NCAM2: variants seen among roughly 807,000 people sequenced by gnomAD.
The protein encoded by NCAM2 is N-CAM-2.
Under a neutral mutation model 98.1 loss-of-function variants are expected in NCAM2, and 30 were observed. The ratio of observed to expected loss-of-function variants is 0.31; its 90% CI spans 0.23 to 0.41. The LOEUF (loss-of-function observed/expected upper bound fraction) is 0.41, where lower values mean the gene tolerates loss of function less well. Among genes scored for constraint, NCAM2 ranks in the 10% least tolerant of loss-of-function variants. The probability of loss-of-function intolerance (pLI) is 1.00; values close to 1 mark genes in which losing one functional copy is unlikely to be tolerated. For missense variants in NCAM2, 867 were observed against 1,005.8 expected, an observed-to-expected ratio of 0.86 and a Z score of 1.87; for synonymous variants, 368 against 342.4, an observed-to-expected ratio of 1.07 and a Z score of -0.83.
intron 5 of NCAM2, among the ~76,000 whole-genome samples, chr21:21,319,636 A>G (rs1320181426): frequency 6.6e-6 from 1 of 152,174 alleles, no homozygotes; most frequent in Non-Finnish European, 1.5e-5. Flanking sequence ...GTGAGACTCC[A>G]TAAGAACAAA....
At chr21:21,070,645 A>G (rs1010046808) in intron 1 of NCAM2, among the ~76,000 whole-genome samples, 3 of 152,186 alleles carry the variant, frequency 2.0e-5, no homozygotes, top group Non-Finnish European at 4.4e-5. Flanking sequence ...TATTATAGGT[A>G]AAGAAGTCAT....
intron 6 of NCAM2, among the ~76,000 whole-genome samples, chr21:21,331,578 T>TATAGAG (rs1444969281): frequency 4.7e-4 from 1 of 2,150 alleles, no homozygotes; most frequent in Non-Finnish European, 4.5e-3. Flanking sequence ...CATATATATA[T>TATAGAG]AGAGAGAGAG....
At chr21:21,258,399 G>C (rs1377765012) in intron 1 of NCAM2, among the ~76,000 whole-genome samples, 1 of 152,132 alleles carries the variant, frequency 6.6e-6, no homozygotes, top group Non-Finnish European at 1.5e-5. Context: ...AATTGTCAGA[G>C]TGCCCATGGG....
At chr21:21,064,016 G>T (rs1276006928) in intron 1 of NCAM2, among the ~76,000 whole-genome samples, 3 of 152,190 alleles carry the variant, frequency 2.0e-5, no homozygotes, top group African/African-American at 7.2e-5. Context: ...TCTTAGACCT[G>T]AGGGATACTG....
Position 21,292,249 on chromosome 21 carries a change from G to A in NCAM2, c.619+8G>A. ...TCATTGTTATTGTTAATGGTAAGCA[G>A]TAAATAATTTGTACATGTTTTATGG... On this transcript the variant is annotated splice_region_variant and intron_variant, in intron 5 of 17. Coordinates refer to ENST00000400546, the MANE Select transcript of NCAM2 (RefSeq NM_004540.5). The A allele has an allele frequency of 6.3e-7, 1 of 1,598,832 alleles. No homozygotes were observed. The highest frequency in any genetic ancestry group is 8.5e-7 in the Non-Finnish European group (1 of 1,173,460).
rs370667294 is a variant in NCAM2, at chr21:21,410,453, A to G, written c.1375A>G (p.Ile459Val). ...GACTTATAGTACAGGAAGAAAGATG[A>G]TATTAGAGGTAAGTCCACATGTATA... is the stretch of plus-strand genomic sequence containing the variant. ...LKTYSTGRKM[I>V]LEIAPTSDND... Residue 459 changes from isoleucine (I) to valine (V), a missense_variant, in exon 10 of 18, where the codon ATA (isoleucine) becomes GTA (valine). Transcript: ENST00000400546. 3.2e-6 allele frequency: 5 copies of G among 1,544,396 alleles called. No homozygotes were observed. The African/African-American group carries it at 4.2e-5, about 13-fold the overall frequency.
rs1318963596 is a variant in NCAM2 at position 21,534,655 on chromosome 21, G to C, written c.2401G>C (p.Glu801Gln). The C allele has an allele frequency of 6.2e-7, 1 of 1,606,470 alleles. No individual in the cohort carries two copies. Residue 801 changes from glutamate (E) to glutamine (Q), a missense_variant and splice_region_variant, in exon 17 of 18, where the codon GAA becomes CAA. Physicochemically the swap from Glu to Gln is conservative, Grantham distance 29. Around this residue, in one of 5 missense-constraint regions of NCAM2, gnomAD observed 125 missense variants for 116.1 expected, o/e 1.08. Coordinates refer to ENST00000400546, the MANE Select transcript of NCAM2 (RefSeq NM_004540.5). ...TGAAACCACACCACTGACAGAACCTGAGTATGTGGCTTGGAGTGCTCACTT... is the reference window on the plus strand; with the variant it reads ...TGAAACCACACCACTGACAGAACCTCAGTATGTGGCTTGGAGTGCTCACTT... ...PNETTPLTEP[E>Q]KLPLKEEDGK...
In NCAM2 at chr21:21,088,493, TC is replaced by T. The variant is rs1443910244; in HGVS notation, c.55+89877del. ...TTAAAAACATGATGCCAATTTTGTTTCCTCAAATTTTCACATAAAGGAAAAG... is the reference window on the plus strand; with the variant it reads ...TTAAAAACATGATGCCAATTTTGTTTCTCAAATTTTCACATAAAGGAAAAG... On this transcript the variant is annotated intron_variant, in intron 1 of 17. Coordinates refer to ENST00000400546, the MANE Select transcript of NCAM2 (RefSeq NM_004540.5). Among the ~76,000 whole-genome samples the T allele has an allele frequency of 2.6e-5, 4 of 152,334 alleles. No homozygotes were observed. In the East Asian group the frequency reaches 7.7e-4, roughly 29 times the overall value.
chr21:21,538,870 A>G lies in NCAM2; in HGVS notation c.*913A>G, dbSNP rs1990118535. On this transcript the variant is annotated 3_prime_UTR_variant, in exon 18 of 18. Transcript: ENST00000400546. ...CAAGTCTTTAGTGTTCAAATACTTC[A>G]AATCATATCCTCAGATATATTTTTA... 6.6e-6 allele frequency: 1 copy of G among 152,168 alleles called. No individual in the cohort carries two copies. Among genetic ancestry groups the G allele is most frequent in the Non-Finnish European group, 1.5e-5 (1 of 68,010 alleles). 9.4% of individuals were successfully genotyped at this position (152,168 alleles called of 1,614,324 possible). A position where few individuals can be genotyped will look rare whatever the true frequency, so the allele number is the denominator to read the frequency against.
intron 1 of NCAM2, among the ~76,000 whole-genome samples, chr21:21,124,919 A>G (rs2066755401): frequency 6.6e-6 from 1 of 152,104 alleles, no homozygotes; most frequent in Non-Finnish European, 1.5e-5. Flanking sequence ...TCATTGTTAC[A>G]TTTTCTGAAA....
At chr21:21,505,429 A>G (rs924545996) in intron 15 of NCAM2, among the ~76,000 whole-genome samples, 2 of 152,134 alleles carry the variant, frequency 1.3e-5, no homozygotes, top group Admixed American at 1.3e-4. Context: ...GTTAAGAAAT[A>G]AATTTCTTTT....
chr21:21,384,103 A>C (rs1427631913), intron 9 of NCAM2, among the ~76,000 whole-genome samples: 1 of 151,968 alleles, frequency 6.6e-6, no homozygotes, highest in East Asian at 1.9e-4. Flanking sequence ...AATTTGAAAG[A>C]TATTATAACT....
chr21:21,340,276 A>G (rs2074988304), intron 8 of NCAM2, among the ~76,000 whole-genome samples: 1 of 151,926 alleles, frequency 6.6e-6, no homozygotes, highest in African/African-American at 2.4e-5. Flanking sequence ...TATCTTCTCA[A>G]AGATAGTTTT....
chr21:21,282,904 T>C (rs908636649), intron 2 of NCAM2, among the ~76,000 whole-genome samples: 1 of 151,850 alleles, frequency 6.6e-6, no homozygotes, highest in African/African-American at 2.4e-5. Flanking sequence ...TGAAATGTTC[T>C]ATTATATTAA....
At chr21:21,109,784 T>A (rs1448249991) in intron 1 of NCAM2, among the ~76,000 whole-genome samples, 3 of 152,204 alleles carry the variant, frequency 2.0e-5, no homozygotes, top group Non-Finnish European at 4.4e-5. Flanking sequence ...AATTCATCCC[T>A]CTTTCCTCTA....
At chr21:21,199,085 T>C (rs1215003523) in intron 1 of NCAM2, among the ~76,000 whole-genome samples, 1 of 152,226 alleles carries the variant, frequency 6.6e-6, no homozygotes, top group Non-Finnish European at 1.5e-5. Flanking sequence ...GTATGCATTG[T>C]GTGACCACTC....
rs759357062 is a variant in NCAM2, at chr21:21,432,265, C to A, written c.1638C>A (p.Arg546=). 8 of 1,613,606 alleles carry A rather than the reference C, an allele frequency of 5.0e-6. No homozygotes were observed. In the East Asian group the frequency reaches 1.8e-4, roughly 36 times the overall value. The change falls in exon 12 of 18, where the codon CGC becomes CGA. Residue 546 remains arginine (R), a synonymous_variant. Coordinates refer to ENST00000400546, the MANE Select transcript of NCAM2 (RefSeq NM_004540.5). The stretch of plus-strand genomic sequence containing the variant: ...CGTCAGAAATCTGGAAAATTGTACG[C>A]TCCCATGGAGTTCAAAGTGAGTCAA... The part of the protein sequence containing the change: ...EVASEIWKIV[R]SHGVQTMVVL...
At chr21:21,381,607 CTT>C (rs1400968166) in intron 9 of NCAM2, among the ~76,000 whole-genome samples, 1 of 152,074 alleles carries the variant, frequency 6.6e-6, no homozygotes. Flanking sequence ...TATTTTGACA[CTT>C]TACATAAAAT....
At chr21:21,136,627 TTTG>T (rs200131275) in intron 1 of NCAM2, among the ~76,000 whole-genome samples, 7 of 146,892 alleles carry the variant, frequency 4.8e-5, no homozygotes, top group African/African-American at 7.6e-5. Context: ...ACGCCTGTTT[TTTG>T]TTTTTTTTTT....
Sources: allele counts gnomAD v4.1 joint callset (sites outside exome capture counted in the v4.1 genomes callset), GRCh38; gene constraint gnomAD v4.1.1; regional missense constraint gnomAD v4.1.1; transcripts MANE v1.5; gene names NCBI Gene and HGNC (gene_info 2026-07-23, HGNC 2026-07-21).